RFTN1: variants seen among roughly 807,000 people sequenced by gnomAD.
RFTN1 encodes the protein raftlin, lipid raft linker 1.
In RFTN1, 26 loss-of-function variants were observed where a neutral mutation model predicts 46.5. That is an observed-to-expected ratio of 0.56 (90% confidence interval 0.41 to 0.78). The LOEUF is 0.78. Ranked by LOEUF, RFTN1 falls within the 30% of genes least tolerant of loss-of-function variation. RFTN1 has a pLI of 0.00. For missense variants in RFTN1, 693 were observed against 718.7 expected (o/e 0.96, Z 0.41); for synonymous variants, 261 against 284.2 (o/e 0.92, Z 0.82).
At position 16,468,588 on chromosome 3, in the gene RFTN1, G is replaced by C. The variant is rs2124943312; in HGVS notation, c.145+25137C>G. Among the ~76,000 whole-genome samples, 1 of 151,668 alleles carries C rather than the reference G, an allele frequency of 6.6e-6. No individual in the cohort carries two copies. Among genetic ancestry groups the C allele is most frequent in the South Asian group, 2.1e-4 (1 of 4,776 alleles). On this transcript the variant is annotated intron_variant, in intron 2 of 9. Coordinates refer to ENST00000334133, the MANE Select transcript of RFTN1 (RefSeq NM_015150.2). This position sits in a 1 kb window ranked among gnomAD's most constrained non-coding sequence, Gnocchi z 4.4. ...CCCAAATAGAGTGATGGAGTAGCGG[G>C]GAGAGGCTGACGCATTTCCTCACGT... is the stretch of plus-strand genomic sequence containing the variant.
chr3:16,336,267 C>T lies in RFTN1; in HGVS notation c.1147-9391G>A, dbSNP rs550707996. 6.6e-6 allele frequency among the ~76,000 whole-genome samples: 1 copy of T among 152,234 alleles called. No individual in the cohort carries two copies. The highest frequency in any genetic ancestry group is 1.5e-5 in the Non-Finnish European group (1 of 68,046). On this transcript the variant is annotated intron_variant, in intron 7 of 9. Coordinates refer to ENST00000334133, the MANE Select transcript of RFTN1 (RefSeq NM_015150.2). This position sits in a 1 kb window ranked among gnomAD's most constrained non-coding sequence, Gnocchi z 6.0. ...TTCATGAATCTCACATTCAGTCAGC[C>T]TGGCTCTGTCTGTGCCACTTGGGAA...
At chr3:16,362,167 T>C (rs984501887) in intron 6 of RFTN1, among the ~76,000 whole-genome samples, 2 of 152,218 alleles carry the variant, frequency 1.3e-5, no homozygotes, top group Non-Finnish European at 2.9e-5. Context: ...CACAGCAGCC[T>C]TATCCTGATA....
In RFTN1 at chr3:16,429,329, C is replaced by T. The variant is rs1429003870; in HGVS notation, c.332+4522G>A. ...ATTAATAATTTAGTTAGACTGTCAA[C>T]GATGCTCTCCAATTACTCAAATACT... On this transcript the variant is annotated intron_variant, in intron 3 of 9. Transcript: ENST00000334133. This position sits in a 1 kb window ranked among gnomAD's most constrained non-coding sequence, Gnocchi z 6.4. Among the ~76,000 whole-genome samples the T allele has an allele frequency of 4.6e-5, 7 of 152,314 alleles. No individual in the cohort carries two copies. The South Asian group carries it at 8.3e-4, about 18-fold the overall frequency.
rs2074058718 is a variant in RFTN1 at position 16,383,402 on chromosome 3, G to A, written c.442-5300C>T. Among the ~76,000 whole-genome samples the A allele has an allele frequency of 2.0e-5, 3 of 152,142 alleles. No homozygotes were observed. Among genetic ancestry groups the A allele is most frequent in the African/African-American group, 7.2e-5 (3 of 41,414 alleles). On this transcript the variant is annotated intron_variant, in intron 4 of 9. Coordinates refer to ENST00000334133, the MANE Select transcript of RFTN1 (RefSeq NM_015150.2). This position sits in a 1 kb window ranked among gnomAD's most constrained non-coding sequence, Gnocchi z 4.0. ...GACTAATCCACAACTTCACTCAGTT[G>A]CTCTATAATAAGTAAGGACATGCTC... is the stretch of plus-strand genomic sequence containing the variant.
chr3:16,343,693 T>A (rs1310176664), intron 7 of RFTN1, among the ~76,000 whole-genome samples: 1 of 152,190 alleles, frequency 6.6e-6, no homozygotes, highest in Non-Finnish European at 1.5e-5. Flanking sequence ...CCTCATATTA[T>A]CCAATTATTT....
intron 4 of RFTN1, among the ~76,000 whole-genome samples, chr3:16,406,235 G>A (rs373130057): frequency 3.3e-5 from 5 of 152,304 alleles, no homozygotes; most frequent in African/African-American, 1.2e-4. Context: ...GCCAGCAACA[G>A]AAAAGAGGAG....
At position 16,493,710 on chromosome 3, in the gene RFTN1, AC is replaced by A; in HGVS notation, c.145+14del. On this transcript the variant is annotated intron_variant, in intron 2 of 9. Transcript: ENST00000334133. Reference sequence around the variant, plus strand: ...ACCCCACCTGCCCCCATCCATTCCCACCCCATGTACTCACCAGCACTCAGAG... The same window carrying A: ...ACCCCACCTGCCCCCATCCATTCCCACCCATGTACTCACCAGCACTCAGAG... 7.3e-7 allele frequency: 1 copy of A among 1,378,896 alleles called. No homozygotes were observed. Among genetic ancestry groups the A allele is most frequent in the African/African-American group, 2.3e-5 (1 of 44,216 alleles). The allele number at this position is 1,378,896 out of a possible 1,614,324, so 85.4% of individuals were successfully genotyped here.
rs2076825829 is a variant in RFTN1, at chr3:16,507,520, T to C, written c.-9+5922A>G. Among the ~76,000 whole-genome samples, 1 of 152,118 alleles carries C rather than the reference T, an allele frequency of 6.6e-6. No individual in the cohort carries two copies. Among genetic ancestry groups the C allele is most frequent in the African/African-American group, 2.4e-5 (1 of 41,404 alleles). On this transcript the variant is annotated intron_variant, in intron 1 of 9. Coordinates refer to ENST00000334133, the MANE Select transcript of RFTN1 (RefSeq NM_015150.2). This position sits in a 1 kb window ranked among gnomAD's most constrained non-coding sequence, Gnocchi z 7.1. ...TCTATTACAACAGTTCCCCCAAATC[T>C]GAGGAACTTTAGCGCTATTCCATAA...
chr3:16,449,633 C>T lies in RFTN1; in HGVS notation c.146-15596G>A, dbSNP rs1299742253. Among the ~76,000 whole-genome samples the T allele has an allele frequency of 6.6e-6, 1 of 152,190 alleles. No homozygotes were observed. Among genetic ancestry groups the T allele is most frequent in the African/African-American group, 2.4e-5 (1 of 41,444 alleles). On this transcript the variant is annotated intron_variant, in intron 2 of 9. Transcript: ENST00000334133. This position sits in a 1 kb window ranked among gnomAD's most constrained non-coding sequence, Gnocchi z 5.1. ...AGACTGTCATGTCCACGAGTTGATC[C>T]TTAAGTCTCGGAACCACTCCAGCTC... is the stretch of plus-strand genomic sequence containing the variant.
At chr3:16,405,399 G>C (rs2074828719) in intron 4 of RFTN1, among the ~76,000 whole-genome samples, 2 of 152,176 alleles carry the variant, frequency 1.3e-5, no homozygotes, top group African/African-American at 2.4e-5. Context: ...CAATAGGATG[G>C]AACACAGCAG....
intron 4 of RFTN1, among the ~76,000 whole-genome samples, chr3:16,386,842 T>C (rs1050250397): frequency 2.6e-5 from 4 of 151,934 alleles, no homozygotes; most frequent in Non-Finnish European, 5.9e-5. Flanking sequence ...GGAAAGGTCA[T>C]AAGAGCCTAC....
chr3:16,439,901 G>A (rs942186364), intron 2 of RFTN1, among the ~76,000 whole-genome samples: 3 of 152,184 alleles, frequency 2.0e-5, no homozygotes, highest in Non-Finnish European at 4.4e-5. Flanking sequence ...TATCAAGGAT[G>A]ATGGGTCTCC....
intron 5 of RFTN1, 64 bp downstream of exon 5, chr3:16,377,654 G>C (rs1319358110): frequency 1.3e-6 from 2 of 1,517,656 alleles, no homozygotes; most frequent in Non-Finnish European, 8.8e-7. Context: ...ATACCATGGG[G>C]ATTAATGAAA....
chr3:16,470,344 A>C (rs1422060122), intron 2 of RFTN1, among the ~76,000 whole-genome samples: 2 of 152,222 alleles, frequency 1.3e-5, no homozygotes, highest in African/African-American at 2.4e-5. Flanking sequence ...GGGCATCAAC[A>C]CTTGCAAGAA....
chr3:16,423,615 A>C (rs1201481189), intron 3 of RFTN1, among the ~76,000 whole-genome samples: 1 of 152,222 alleles, frequency 6.6e-6, no homozygotes, highest in Admixed American at 6.5e-5. Context: ...AGCAATGAAC[A>C]AGGACTCCAG....
Position 16,327,880 on chromosome 3 carries a change from A to G in RFTN1, c.1147-1004T>C, listed in dbSNP as rs1574984131. 6.6e-6 allele frequency among the ~76,000 whole-genome samples: 1 copy of G among 152,130 alleles called. No homozygotes were observed. The highest frequency in any genetic ancestry group is 1.5e-5 in the Non-Finnish European group (1 of 68,000). ...AGGCGTTCTCACTGCAACAGGCCTC[A>G]TTTCTTACTACGGGTTCCTCACTAA... On this transcript the variant is annotated intron_variant, in intron 7 of 9. Transcript: ENST00000334133. The surrounding 1 kb of genome is among the most constrained non-coding windows in gnomAD (Gnocchi z 4.2).
rs2074967858 is a variant in RFTN1, at chr3:16,410,749, AG to A, written c.333-1267del. 6.6e-6 allele frequency among the ~76,000 whole-genome samples: 1 copy of A among 152,156 alleles called. No individual in the cohort carries two copies. Among genetic ancestry groups the A allele is most frequent in the African/African-American group, 2.4e-5 (1 of 41,442 alleles). Reference sequence around the variant, plus strand: ...TCTGCACACAGGGGCTGCTTTCCAAAGCACCACCACATAGACATCCCTGTGA... The same window carrying A: ...TCTGCACACAGGGGCTGCTTTCCAAACACCACCACATAGACATCCCTGTGA... On this transcript the variant is annotated intron_variant, in intron 3 of 9. Transcript: ENST00000334133. The surrounding 1 kb of genome is among the most constrained non-coding windows in gnomAD (Gnocchi z 4.6).
At position 16,387,125 on chromosome 3, in the gene RFTN1, A is replaced by G. The variant is rs73041463; in HGVS notation, c.442-9023T>C. 0.036 allele frequency among the ~76,000 whole-genome samples: 5,440 copies of G among 152,128 alleles called. 140 individuals carry two copies. The highest frequency in any genetic ancestry group is 0.082 in the Middle Eastern group (24 of 294). Reference sequence around the variant, plus strand: ...CTCTTCCTTCCCTGTCCATCACATGACCCACTGCTTCCATCACTCTCCTCC... The same window carrying G: ...CTCTTCCTTCCCTGTCCATCACATGGCCCACTGCTTCCATCACTCTCCTCC... On this transcript the variant is annotated intron_variant, in intron 4 of 9. Transcript: ENST00000334133. This position sits in a 1 kb window ranked among gnomAD's most constrained non-coding sequence, Gnocchi z 5.2.
rs1285224894 is a variant in RFTN1, at chr3:16,334,429, A to C, written c.1147-7553T>G. ...CTTCTGGGAATTTAACCTACGTATT[A>C]AAAAATGAGAAATGCACAGAGTTAT... On this transcript the variant is annotated intron_variant, in intron 7 of 9. Coordinates refer to ENST00000334133, the MANE Select transcript of RFTN1 (RefSeq NM_015150.2). This position sits in a 1 kb window ranked among gnomAD's most constrained non-coding sequence, Gnocchi z 4.3. 1.3e-5 allele frequency among the ~76,000 whole-genome samples: 2 copies of C among 152,196 alleles called. No individual in the cohort carries two copies. Among genetic ancestry groups the C allele is most frequent in the Non-Finnish European group, 2.9e-5 (2 of 68,042 alleles).
Sources: gnomAD v4.1 joint callset for allele counts (sites outside exome capture counted in the v4.1 genomes callset) on GRCh38, gnomAD v4.1.1 for gene constraint, Gnocchi (gnomAD v3.1) non-coding constraint, MANE v1.5 for transcripts, NCBI Gene and HGNC (gene_info 2026-07-23, HGNC 2026-07-21) for gene names.